The following SMO variants were observed in gnomAD, a reference collection of about 807,000 sequenced individuals.
SMO encodes protein smoothened.
A neutral mutation model predicts 81.6 loss-of-function variants in SMO; 40 were observed. That is an observed-to-expected ratio of 0.49 (90% CI 0.38 to 0.64). The LOEUF is 0.64. SMO is among the 30% of genes least tolerant of loss of function. SMO has a pLI of 0.00. For missense variants in SMO, 916 were observed against 1,061.1 expected (o/e 0.86, Z 1.90); for synonymous variants, 434 against 432.1 (o/e 1.00, Z -0.05).
In SMO at chr7:129,210,868, C is replaced by G; in HGVS notation, c.1653-97C>G. The stretch of plus-strand genomic sequence containing the variant: ...TGAAGGACTTGAGGCCCTTGGGAGC[C>G]TCCTTCTCTGGAAAGAATGGCATCG... On this transcript the variant is annotated intron_variant, in intron 9 of 11. Coordinates refer to ENST00000249373, the MANE Select transcript of SMO (RefSeq NM_005631.5). The surrounding 1 kb of genome is among the most constrained non-coding windows in gnomAD (Gnocchi z 4.7). 1.4e-6 allele frequency: 2 copies of G among 1,395,932 alleles called. No individual in the cohort carries two copies. The highest frequency in any genetic ancestry group is 2.0e-6 in the Non-Finnish European group (2 of 1,024,984). 86.5% of individuals were successfully genotyped at this position (1,395,932 alleles called of 1,614,324 possible).
Position 129,189,557 on chromosome 7 carries a change from C to CTCAGG in SMO, c.331+76_331+80dup, listed in dbSNP as rs1563144716. Reference sequence around the variant, plus strand: ...TGGGGGCACCCTTGGAAAGAACAGGCTCAGGCCTGAGTTTTGGAGAGGGCG... The same window carrying CTCAGG: ...TGGGGGCACCCTTGGAAAGAACAGGCTCAGGTCAGGCCTGAGTTTTGGAGAGGGCG... On this transcript the variant is annotated intron_variant, in intron 1 of 11. Transcript: ENST00000249373. The surrounding 1 kb of genome is among the most constrained non-coding windows in gnomAD (Gnocchi z 4.7). The CTCAGG allele has an allele frequency of 6.7e-7, 1 of 1,481,920 alleles. No individual in the cohort carries two copies. The highest frequency in any genetic ancestry group is 1.4e-5 in the African/African-American group (1 of 71,080). 91.8% of individuals were successfully genotyped at this position (1,481,920 alleles called of 1,614,324 possible). A position where few individuals can be genotyped will look rare whatever the true frequency, so the allele number is the denominator to read the frequency against.
chr7:129,196,789 A>G (rs2718105), intron 1 of SMO, among the ~76,000 whole-genome samples: 128,349 of 151,956 alleles, frequency 0.84, 54,686 homozygotes, highest in Middle Eastern at 0.93. Context: ...AGGCCAAGGC[A>G]GGGGGATCAC....
rs1234202016 is a variant in SMO, at chr7:129,210,242, C to T, written c.1467-121C>T. ...ATTGCCTGAGCCCAGGAGTTGGAAG[C>T]TGCAGTGGGTTGTGATCACGCCACC... On this transcript the variant is annotated intron_variant, in intron 8 of 11. Transcript: ENST00000249373. The surrounding 1 kb of genome is among the most constrained non-coding windows in gnomAD (Gnocchi z 4.7). 6.6e-6 allele frequency: 5 copies of T among 752,900 alleles called. No homozygotes were observed. The South Asian group carries it at 8.6e-5, about 13-fold the overall frequency. The allele number at this position is 752,900 out of a possible 1,614,324, so 46.6% of individuals were successfully genotyped here.
At chr7:129,194,550 C>G (rs1793540387) in intron 1 of SMO, among the ~76,000 whole-genome samples, 1 of 152,192 alleles carries the variant, frequency 6.6e-6, no homozygotes. Flanking sequence ...ACATCCCCCT[C>G]CCCTTGCTCA....
chr7:129,211,036 A>T lies in SMO; in HGVS notation c.1724A>T (p.Lys575Met), dbSNP rs56383695. The change falls in exon 10 of 12, where the codon AAG (lysine) becomes ATG (methionine). Residue 575 changes from lysine to methionine, a missense_variant. Around this residue, in one of 4 missense-constraint regions of SMO, gnomAD observed 324 missense variants for 312.9 expected, o/e 1.04. Coordinates refer to ENST00000249373, the MANE Select transcript of SMO (RefSeq NM_005631.5). This position sits in a 1 kb window ranked among gnomAD's most constrained non-coding sequence, Gnocchi z 4.6. ...KSKMIAKAFSKRHELLQNPGQ... is the reference protein window; with the variant it reads ...KSKMIAKAFSMRHELLQNPGQ... The stretch of plus-strand genomic sequence containing the variant: ...AAGATGATTGCCAAGGCCTTCTCTA[A>T]GCGGCACGAGCTCCTGCAGAACCCA... The T allele has an allele frequency of 1.3e-4, 204 of 1,613,924 alleles. 1 individual carries two copies. The East Asian group carries it at 4.5e-3, about 36-fold the overall frequency.
At chr7:129,209,432 G>A (rs2150653070) in intron 8 of SMO, 35 bp downstream of exon 8, 1 of 1,461,088 alleles carries the variant, frequency 6.8e-7, no homozygotes, top group African/African-American at 1.4e-5. Flanking sequence ...AGTGCTGGGA[G>A]CTGGAGCCAA....
intron 1 of SMO, among the ~76,000 whole-genome samples, chr7:129,191,499 A>G (rs1461160312): frequency 1.3e-5 from 2 of 151,714 alleles, no homozygotes; most frequent in Non-Finnish European, 2.9e-5. Context: ...CTGTTTCCAT[A>G]TGTGTTCTGG....
Position 129,189,304 on chromosome 7 carries a change from C to T in SMO, c.153C>T (p.Ser51=). 1 of 1,468,332 alleles carries T rather than the reference C, an allele frequency of 6.8e-7. No homozygotes were observed. Among genetic ancestry groups the T allele is most frequent in the South Asian group, 1.3e-5 (1 of 75,090 alleles). The allele number at this position is 1,468,332 out of a possible 1,614,324, so 91.0% of individuals were successfully genotyped here. ...PRSAGGSARR[S]AAVTGPPPPL... ...GCGCGGGCGGGAGCGCGAGGAGGAG[C>T]GCGGCGGTGACTGGCCCTCCGCCGC... is the stretch of plus-strand genomic sequence containing the variant. Residue 51 remains serine (S), a synonymous_variant, in exon 1 of 12, where the codon AGC becomes AGT. Coordinates refer to ENST00000249373, the MANE Select transcript of SMO (RefSeq NM_005631.5). The surrounding 1 kb of genome is among the most constrained non-coding windows in gnomAD (Gnocchi z 4.7).
intron 1 of SMO, among the ~76,000 whole-genome samples, chr7:129,195,468 G>C (rs1247257000): frequency 6.6e-6 from 1 of 152,080 alleles, no homozygotes; most frequent in South Asian, 2.1e-4. Context: ...ATGCTTACTG[G>C]CCTTTAGGGT....
In SMO at chr7:129,206,275, C is replaced by T. The variant is rs1793764288; in HGVS notation, c.1046C>T (p.Thr349Ile). 3.1e-6 allele frequency: 5 copies of T among 1,614,258 alleles called. No individual in the cohort carries two copies. Among genetic ancestry groups the T allele is most frequent in the Non-Finnish European group, 4.2e-6 (5 of 1,180,044 alleles). ...WHTSFKALGT[T>I]YQPLSGKTSY... ...ACTTCCTTCAAAGCCCTGGGCACCACCTACCAGCCTCTCTCGGGCAAGACC... is the reference window on the plus strand; with the variant it reads ...ACTTCCTTCAAAGCCCTGGGCACCATCTACCAGCCTCTCTCGGGCAAGACC... The change falls in exon 5 of 12, where the codon ACC (threonine) becomes ATC (isoleucine). Residue 349 changes from threonine to isoleucine, a missense_variant. By Grantham distance (89) the Thr-to-Ile change is moderately conservative. Transcript: ENST00000249373. The surrounding 1 kb of genome is among the most constrained non-coding windows in gnomAD (Gnocchi z 4.4).
In SMO at chr7:129,212,022, A is replaced by C. The variant is rs752417456; in HGVS notation, c.1937-2A>C. ...GGCTCGTGTTGTCTCTCCTCCTGTC[A>C]GTGCCCCCAGAGGAACAAGCCAACC... On this transcript the variant is annotated splice_acceptor_variant, in intron 11 of 11. Transcript: ENST00000249373. LOFTEE classifies it high-confidence loss of function. The surrounding 1 kb of genome is among the most constrained non-coding windows in gnomAD (Gnocchi z 5.0). The C allele has an allele frequency of 1.2e-5, 19 of 1,580,694 alleles. No homozygotes were observed. The South Asian group carries it at 2.2e-4, about 18-fold the overall frequency.
intron 1 of SMO, among the ~76,000 whole-genome samples, chr7:129,192,586 C>A (rs978942097): frequency 1.3e-5 from 2 of 152,032 alleles, no homozygotes; most frequent in African/African-American, 2.4e-5. Context: ...GAGACGATGG[C>A]GGTTGGGACT....
In SMO at chr7:129,210,637, A is replaced by G; in HGVS notation, c.1652+89A>G. 1 of 1,092,008 alleles carries G rather than the reference A, an allele frequency of 9.2e-7. No individual in the cohort carries two copies. Among genetic ancestry groups the G allele is most frequent in the Non-Finnish European group, 1.4e-6 (1 of 735,414 alleles). The allele number at this position is 1,092,008 out of a possible 1,614,324, so 67.6% of individuals were successfully genotyped here. On this transcript the variant is annotated intron_variant, in intron 9 of 11. Coordinates refer to ENST00000249373, the MANE Select transcript of SMO (RefSeq NM_005631.5). This position sits in a 1 kb window ranked among gnomAD's most constrained non-coding sequence, Gnocchi z 4.7. ...TTAGGTTTTGTCGGGTCCTGCCTCT[A>G]GCACAGCCTTGGTCAGTGGTTCACC...
intron 1 of SMO, among the ~76,000 whole-genome samples, chr7:129,191,316 G>C (rs1724528377): frequency 6.6e-6 from 1 of 152,194 alleles, no homozygotes; most frequent in Non-Finnish European, 1.5e-5. Flanking sequence ...GTTTAAGCTG[G>C]AACATGTATC....
Position 129,188,647 on chromosome 7 carries a change from A to G in SMO, c.-505A>G, listed in dbSNP as rs1793432260. ...GAGGCCCGTGCATTCCAGAGAGCCCAGCGAGCTAGAGCAACAAAGGAGCCG... is the reference window on the plus strand; with the variant it reads ...GAGGCCCGTGCATTCCAGAGAGCCCGGCGAGCTAGAGCAACAAAGGAGCCG... On this transcript the variant is annotated 5_prime_UTR_variant, in exon 1 of 12. Transcript: ENST00000249373. The surrounding 1 kb of genome is among the most constrained non-coding windows in gnomAD (Gnocchi z 4.9). Among the ~76,000 whole-genome samples the G allele has an allele frequency of 6.6e-6, 1 of 152,008 alleles. No individual in the cohort carries two copies. The highest frequency in any genetic ancestry group is 1.5e-5 in the Non-Finnish European group (1 of 67,992).
chr7:129,197,762 A>G (rs973661056), intron 1 of SMO, among the ~76,000 whole-genome samples: 1 of 152,068 alleles, frequency 6.6e-6, no homozygotes. Flanking sequence ...AGATGATCAT[A>G]TGATTTTTTT....
chr7:129,212,132 T>C lies in SMO; in HGVS notation c.2045T>C (p.Val682Ala), dbSNP rs1584666624. 6.4e-7 allele frequency: 1 copy of C among 1,561,966 alleles called. No individual in the cohort carries two copies. The highest frequency in any genetic ancestry group is 2.4e-5 in the East Asian group (1 of 41,646). The change falls in exon 12 of 12, where the codon GTG becomes GCG. Residue 682 changes from valine to alanine, a missense_variant. Around this residue, in one of 4 missense-constraint regions of SMO, gnomAD observed 324 missense variants for 312.9 expected, o/e 1.04. Transcript: ENST00000249373. The surrounding 1 kb of genome is among the most constrained non-coding windows in gnomAD (Gnocchi z 5.0). ...AAGAGGAGGAAGAGGAAGAAGGAGG[T>C]GTGCCCGCTGGCGCCGCCCCCTGAG... ...KKKRRKRKKEVCPLAPPPELH... is the reference protein window; with the variant it reads ...KKKRRKRKKEACPLAPPPELH...
At position 129,208,767 on chromosome 7, in the gene SMO, ACT is replaced by A. The variant is rs754335556; in HGVS notation, c.1276_1277del (p.Leu426ValfsTer13). On this transcript the variant is annotated frameshift_variant, in exon 7 of 12. Coordinates refer to ENST00000249373, the MANE Select transcript of SMO (RefSeq NM_005631.5). LOFTEE classifies it high-confidence loss of function. The surrounding 1 kb of genome is among the most constrained non-coding windows in gnomAD (Gnocchi z 5.2). The stretch of plus-strand genomic sequence containing the variant: ...GTCCCCCTTCTGTTCAGGAGTCATG[ACT>A]CTGTTCTCCATCAAGAGCAACCACC... ...GGYFLIRGVM[T>X]LFSIKSNHPG... 5.0e-6 allele frequency: 8 copies of A among 1,611,324 alleles called. No homozygotes were observed. The highest frequency in any genetic ancestry group is 1.3e-5 in the African/African-American group (1 of 74,690).
intron 6 of SMO, among the ~76,000 whole-genome samples, chr7:129,207,052 C>A (rs1353490666): frequency 6.6e-6 from 1 of 152,178 alleles, no homozygotes; most frequent in Non-Finnish European, 1.5e-5. Flanking sequence ...ACCATGTTAG[C>A]CAGGCTGGTC....
Sources: gnomAD v4.1 joint callset for allele counts (sites outside exome capture counted in the v4.1 genomes callset) on GRCh38, gnomAD v4.1.1 for gene constraint, gnomAD v4.1.1 regional missense constraint, Gnocchi (gnomAD v3.1) non-coding constraint, MANE v1.5 for transcripts, NCBI Gene and HGNC (gene_info 2026-07-23, HGNC 2026-07-21) for gene names.